PCM1: variants seen among roughly 807,000 people sequenced by gnomAD.
PCM1 encodes pericentriolar material 1, also known as pericentriolar material 1 protein.
PCM1 carries 157 observed loss-of-function variants against 241.9 expected under a neutral mutation model. That is an observed-to-expected ratio of 0.65 (90% confidence interval 0.57 to 0.74). The LOEUF (loss-of-function observed/expected upper bound fraction) is 0.74, where lower values mean the gene tolerates loss of function less well. Among genes scored for constraint, PCM1 ranks in the 30% least tolerant of loss-of-function variants. The probability of loss-of-function intolerance (pLI) is 0.00; values close to 1 mark genes in which losing one functional copy is unlikely to be tolerated. For synonymous variants in PCM1, 1,085 were observed against 784.9 expected, an observed-to-expected ratio of 1.38 and a Z score of -6.39; for missense variants, 3,478 against 2,360.1, an observed-to-expected ratio of 1.47 and a Z score of -9.81.
At chr8:17,977,750 AAGC>A (rs1346221390) in intron 23 of PCM1, among the ~76,000 whole-genome samples, 1 of 152,192 alleles carries the variant, frequency 6.6e-6, no homozygotes, top group African/African-American at 2.4e-5. Flanking sequence ...TGAAGAGACT[AAGC>A]AGTAGAGAAG....
chr8:17,981,189 C>T (rs1445045512), intron 24 of PCM1, among the ~76,000 whole-genome samples: 3 of 152,182 alleles, frequency 2.0e-5, no homozygotes, highest in Admixed American at 6.5e-5. Flanking sequence ...CACACTCTGC[C>T]TTGAACTTTT....
At chr8:18,005,113 T>C (rs2090884490) in intron 29 of PCM1, among the ~76,000 whole-genome samples, 1 of 152,212 alleles carries the variant, frequency 6.6e-6, no homozygotes, top group Non-Finnish European at 1.5e-5. Context: ...ATATTTGTTG[T>C]TGCCTCCAGT....
intron 36 of PCM1, 118 bp downstream of exon 36, chr8:18,014,958 G>A (rs2092982483): frequency 1.1e-6 from 1 of 890,788 alleles, no homozygotes; most frequent in Non-Finnish European, 1.6e-6. Flanking sequence ...AGAACATGTT[G>A]GAACATTTTT....
At chr8:18,010,912 G>T (rs1479772021) in intron 32 of PCM1, among the ~76,000 whole-genome samples, 3 of 152,150 alleles carry the variant, frequency 2.0e-5, no homozygotes, top group Non-Finnish European at 4.4e-5. Flanking sequence ...GGCAGAGGTG[G>T]TATTGAGCCG....
At position 18,006,810 on chromosome 8, in the gene PCM1, C is replaced by T. The variant is rs969158042; in HGVS notation, c.4962+413C>T. Among the ~76,000 whole-genome samples the T allele has an allele frequency of 4.6e-5, 7 of 152,224 alleles. No individual in the cohort carries two copies. The South Asian group carries it at 8.3e-4, about 18-fold the overall frequency. On this transcript the variant is annotated intron_variant, in intron 30 of 38. Transcript: ENST00000325083. Reference sequence around the variant, plus strand: ...AGAGACTTTTTAGGGTGTACCAGTACGCTTAAATTATAGTAAGTCAGTAAC... The same window carrying T: ...AGAGACTTTTTAGGGTGTACCAGTATGCTTAAATTATAGTAAGTCAGTAAC...
chr8:17,982,861 T>G (rs775859535), intron 24 of PCM1, among the ~76,000 whole-genome samples: 18 of 152,082 alleles, frequency 1.2e-4, no homozygotes, highest in Non-Finnish European at 1.9e-4. Flanking sequence ...GGCATGTTAC[T>G]TTTTGTAACT....
chr8:18,017,306 A>AATGGTTTTT (rs1303644466), intron 36 of PCM1, among the ~76,000 whole-genome samples: 1 of 152,164 alleles, frequency 6.6e-6, no homozygotes, highest in Non-Finnish European at 1.5e-5. Context: ...CGGGAACTGA[A>AATGGTTTTT]ATGGTTTTTA....
At chr8:17,930,939 T>A (rs2058822091) in intron 2 of PCM1, among the ~76,000 whole-genome samples, 1 of 152,216 alleles carries the variant, frequency 6.6e-6, no homozygotes, top group Non-Finnish European at 1.5e-5. Flanking sequence ...ACTAATAGTT[T>A]TACTTTTTAA....
chr8:17,996,136 G>C (rs566455520), intron 29 of PCM1, among the ~76,000 whole-genome samples: 3 of 152,276 alleles, frequency 2.0e-5, no homozygotes, highest in East Asian at 3.9e-4. Flanking sequence ...ATGGCTTTCA[G>C]TGTTTCCCCA....
chr8:18,011,948 G>C (rs2092576425), intron 34 of PCM1, 121 bp downstream of exon 34: 1 of 861,860 alleles, frequency 1.2e-6, no homozygotes, highest in Non-Finnish European at 1.8e-6. Context: ...ATGAATGCAA[G>C]CCTCATTAAT....
At chr8:17,980,938 A>G (rs2080519189) in intron 24 of PCM1, among the ~76,000 whole-genome samples, 183 bp downstream of exon 24, 1 of 152,228 alleles carries the variant, frequency 6.6e-6, no homozygotes, top group Non-Finnish European at 1.5e-5. Flanking sequence ...ATTTTGTGTT[A>G]TACTATTTAA....
chr8:18,017,457 C>T (rs79819044), intron 36 of PCM1, among the ~76,000 whole-genome samples: 9,782 of 152,166 alleles, frequency 0.064, 1,033 homozygotes, highest in African/African-American at 0.22. Context: ...AGAAAAAAAT[C>T]AGTTTCTGTA....
At chr8:17,990,877 C>T (rs1195326156) in intron 27 of PCM1, among the ~76,000 whole-genome samples, 1 of 152,154 alleles carries the variant, frequency 6.6e-6, no homozygotes. Flanking sequence ...ATTGAGGACT[C>T]AGCCTTAGCT....
chr8:17,927,794 C>T (rs1201728073), intron 2 of PCM1: 1 of 151,516 alleles, frequency 6.6e-6, no homozygotes, highest in Non-Finnish European at 1.5e-5. Flanking sequence ...CGTGATCCGC[C>T]CGCCTCAGCT....
intron 30 of PCM1, among the ~76,000 whole-genome samples, chr8:18,008,910 C>T (rs542680574): frequency 6.6e-6 from 1 of 152,284 alleles, no homozygotes; most frequent in African/African-American, 2.4e-5. Flanking sequence ...GCTTAACTTC[C>T]TCCTTGACAT....
At chr8:17,959,250 G>T (rs1004149126) in intron 13 of PCM1, among the ~76,000 whole-genome samples, 1 of 151,698 alleles carries the variant, frequency 6.6e-6, no homozygotes, top group African/African-American at 2.4e-5. Flanking sequence ...TTTCATGTCA[G>T]TATAGTTCTA....
chr8:17,957,867 A>G (rs1447512327), intron 13 of PCM1, 92 bp downstream of exon 13: 11 of 814,120 alleles, frequency 1.4e-5, no homozygotes, highest in East Asian at 2.6e-5. Context: ...GTTTAATTAT[A>G]CTAATACACA....
rs190553781 is a variant in PCM1 at position 17,937,505 on chromosome 8, A to G, written c.342+126A>G. On this transcript the variant is annotated intron_variant, in intron 4 of 38. Transcript: ENST00000325083. ...ATTTTTAAAAAAAGTTTCTGTGCCTATGGAAAGAATTTTAATCACTGGGGA... is the reference window on the plus strand; with the variant it reads ...ATTTTTAAAAAAAGTTTCTGTGCCTGTGGAAAGAATTTTAATCACTGGGGA... 100 of 794,754 alleles carry G rather than the reference A, an allele frequency of 1.3e-4. No homozygotes were observed. In the African/African-American group the frequency reaches 1.4e-3, roughly 11 times the overall value. The allele number at this position is 794,754 out of a possible 1,614,324, so 49.2% of individuals were successfully genotyped here.
At chr8:17,966,932 A>G (rs1418208406) in intron 20 of PCM1, 48 bp from the exon 21 acceptor site, 3 of 1,476,846 alleles carry the variant, frequency 2.0e-6, no homozygotes, top group African/African-American at 2.8e-5. Flanking sequence ...TACTTTATAT[A>G]TATGGCAATA....
Sources: gnomAD v4.1 joint callset for allele counts (sites outside exome capture counted in the v4.1 genomes callset) on GRCh38, gnomAD v4.1.1 for gene constraint, MANE v1.5 for transcripts, NCBI Gene and HGNC (gene_info 2026-07-23, HGNC 2026-07-21) for gene names.